Variants in TRHDE observed in about 807,000 individuals in gnomAD.
TRHDE encodes the protein thyrotropin releasing hormone degrading enzyme, also known as thyrotropin-releasing hormone-degrading ectoenzyme.
TRHDE carries 72 observed loss-of-function variants against 125.7 expected under a neutral mutation model. The observed-to-expected ratio is 0.57, with a 90% confidence interval of 0.47 to 0.70. TRHDE has a LOEUF of 0.70. Among genes scored for constraint, TRHDE ranks in the 30% least tolerant of loss-of-function variants. TRHDE has a pLI of 0.00. For missense variants in TRHDE, 1,110 were observed against 1,327.1 expected, an observed-to-expected ratio of 0.84 and a Z score of 2.54; for synonymous variants, 509 against 509.1, an observed-to-expected ratio of 1.00 and a Z score of 0.00.
chr12:72,330,838 C>T (rs966779711), intron 2 of TRHDE, among the ~76,000 whole-genome samples: 11 of 152,054 alleles, frequency 7.2e-5, no homozygotes, highest in African/African-American at 2.2e-4. Context: ...TTTAGAACAG[C>T]GCTTCTCAAA....
At chr12:72,391,386 C>T (rs929639277) in intron 3 of TRHDE, among the ~76,000 whole-genome samples, 4 of 152,122 alleles carry the variant, frequency 2.6e-5, no homozygotes, top group Non-Finnish European at 4.4e-5. Flanking sequence ...TTCAGGGCAT[C>T]GCTGAAGCTT....
chr12:72,219,099 G>C (rs1270464616), intron 2 of TRHDE, among the ~76,000 whole-genome samples: 1 of 151,458 alleles, frequency 6.6e-6, no homozygotes, highest in Non-Finnish European at 1.5e-5. Flanking sequence ...GTCCTCCCTA[G>C]TTTCTTCTTA....
At chr12:72,527,603 C>T (rs1489179699) in intron 6 of TRHDE, among the ~76,000 whole-genome samples, 1 of 147,014 alleles carries the variant, frequency 6.8e-6, no homozygotes, top group Non-Finnish European at 1.5e-5. Context: ...AAAAAAAAGA[C>T]AAAATAAGCC....
intron 2 of TRHDE, among the ~76,000 whole-genome samples, chr12:72,295,813 C>G (rs557408481): frequency 2.0e-5 from 3 of 151,618 alleles, no homozygotes; most frequent in Admixed American, 1.3e-4. Flanking sequence ...AATCACGTTA[C>G]TAATAGAAGT....
intron 2 of TRHDE, among the ~76,000 whole-genome samples, chr12:72,288,796 TAG>T (rs1188960691): frequency 3.9e-5 from 6 of 152,186 alleles, no homozygotes; most frequent in Admixed American, 6.5e-5. Context: ...GACTTTTTGT[TAG>T]AGTTAAGAAT....
At chr12:72,328,792 A>T (rs1416053839) in intron 2 of TRHDE, among the ~76,000 whole-genome samples, 1 of 152,202 alleles carries the variant, frequency 6.6e-6, no homozygotes, top group Non-Finnish European at 1.5e-5. Flanking sequence ...GTTTTCAGGT[A>T]GCATAATTTC....
intron 12 of TRHDE, among the ~76,000 whole-genome samples, chr12:72,615,868 T>G (rs1487703573): frequency 6.6e-6 from 1 of 152,092 alleles, no homozygotes; most frequent in Non-Finnish European, 1.5e-5. Context: ...TTCGATATAT[T>G]CAATACAAGA....
intron 1 of TRHDE, among the ~76,000 whole-genome samples, chr12:72,101,346 C>A (rs1426155325): frequency 1.3e-5 from 2 of 152,146 alleles, no homozygotes; most frequent in Non-Finnish European, 2.9e-5. Flanking sequence ...AGGAGAACAG[C>A]ATGAAAGGAA....
chr12:72,497,342 A>G (rs1269956755), intron 5 of TRHDE, among the ~76,000 whole-genome samples: 1 of 152,090 alleles, frequency 6.6e-6, no homozygotes, highest in Non-Finnish European at 1.5e-5. Flanking sequence ...TTTACTTTAT[A>G]CCATTTAAAA....
At chr12:72,648,793 A>T (rs1328335323) in intron 15 of TRHDE, among the ~76,000 whole-genome samples, 1 of 152,152 alleles carries the variant, frequency 6.6e-6, no homozygotes, top group Non-Finnish European at 1.5e-5. Context: ...TGAAAAAAAA[A>T]TACAAAAATA....
chr12:72,228,468 A>AT (rs1484773606), intron 2 of TRHDE, among the ~76,000 whole-genome samples: 3 of 151,898 alleles, frequency 2.0e-5, no homozygotes, highest in South Asian at 2.1e-4. Flanking sequence ...CCAGGAAACC[A>AT]TTTTTTTCCC....
intron 3 of TRHDE, among the ~76,000 whole-genome samples, chr12:72,404,307 C>T (rs562793842): frequency 9.2e-5 from 14 of 152,232 alleles, no homozygotes; most frequent in African/African-American, 3.4e-4. Flanking sequence ...TGACACACAC[C>T]TGAAGTCCCA....
At chr12:72,231,656 G>T (rs550505232) in intron 2 of TRHDE, among the ~76,000 whole-genome samples, 26 of 152,210 alleles carry the variant, frequency 1.7e-4, no homozygotes, top group Admixed American at 3.3e-4. Flanking sequence ...ATTTTCTTGG[G>T]TCACAAGATC....
At chr12:72,185,548 C>G (rs1877189670) in intron 2 of TRHDE, among the ~76,000 whole-genome samples, 1 of 152,252 alleles carries the variant, frequency 6.6e-6, no homozygotes, top group Non-Finnish European at 1.5e-5. Flanking sequence ...ACGTCTAGCT[C>G]AGGGATTGTA....
chr12:72,110,937 T>C (rs972291608), intron 2 of TRHDE, among the ~76,000 whole-genome samples: 2 of 152,168 alleles, frequency 1.3e-5, no homozygotes, highest in Non-Finnish European at 2.9e-5. Flanking sequence ...CCCTATTAAG[T>C]TGGCAAGTAC....
chr12:72,413,217 TA>T (rs983019517), intron 3 of TRHDE, among the ~76,000 whole-genome samples: 26 of 152,060 alleles, frequency 1.7e-4, no homozygotes, highest in African/African-American at 4.6e-4. Context: ...ATAATTTTTT[TA>T]AAAAAATTCT....
At chr12:72,415,224 T>G (rs1873681126) in intron 3 of TRHDE, among the ~76,000 whole-genome samples, 1 of 152,158 alleles carries the variant, frequency 6.6e-6, no homozygotes, top group Non-Finnish European at 1.5e-5. Flanking sequence ...TATTTTTAGT[T>G]GTTATGCATA....
At chr12:72,429,888 T>A (rs1051860396) in intron 3 of TRHDE, among the ~76,000 whole-genome samples, 1 of 152,102 alleles carries the variant, frequency 6.6e-6, no homozygotes, top group Non-Finnish European at 1.5e-5. Context: ...GAATAATTTG[T>A]ATATTCTACA....
At chr12:72,540,803 C>T (rs1322171959) in intron 6 of TRHDE, among the ~76,000 whole-genome samples, 3 of 151,048 alleles carry the variant, frequency 2.0e-5, no homozygotes, top group African/African-American at 7.3e-5. Flanking sequence ...GAGGAAGAAG[C>T]TAAAGAAAGA....
Sources: allele counts gnomAD v4.1 joint callset (sites outside exome capture counted in the v4.1 genomes callset), GRCh38; gene constraint gnomAD v4.1.1; transcripts MANE v1.5; gene names NCBI Gene and HGNC (gene_info 2026-07-23, HGNC 2026-07-21).